Variants in NR4A2 observed in about 807,000 individuals in gnomAD.
The protein encoded by NR4A2 is NGFI-B/nur77 beta-type transcription factor homolog.
A neutral mutation model predicts 50.5 loss-of-function variants in NR4A2; 1 was observed. The ratio of observed to expected loss-of-function variants is 0.02; its 90% CI spans 0.01 to 0.09. The LOEUF (loss-of-function observed/expected upper bound fraction) is 0.09, where lower values mean the gene tolerates loss of function less well. Among genes scored for constraint, NR4A2 ranks in the 10% least tolerant of loss-of-function variants. The pLI is 1.00. For missense variants in NR4A2, 613 were observed against 777.3 expected, an observed-to-expected ratio of 0.79 and a Z score of 2.51; for synonymous variants, 328 against 309.4, an observed-to-expected ratio of 1.06 and a Z score of -0.63.
At position 156,327,885 on chromosome 2, in the gene NR4A2, G is replaced by A; in HGVS notation, c.1124C>T (p.Ser375Phe). 1.3e-6 allele frequency: 2 copies of A among 1,592,026 alleles called. No individual in the cohort carries two copies. The highest frequency in any genetic ancestry group is 1.7e-6 in the Non-Finnish European group (2 of 1,168,472). The change falls in exon 5 of 8, where the codon TCC becomes TTC. Residue 375 changes from serine to phenylalanine, a missense_variant. By Grantham distance (155) the Ser-to-Phe change is radical. This residue lies in a region of NR4A2 where 250 missense variants were observed against 311.3 expected (regional missense o/e 0.80). Transcript: ENST00000339562. The part of the protein sequence containing the change: ...ISALVRAHVD[S>F]NPAMTSLDYS... ...GTCCAGGCTGGTCATAGCCGGGTTG[G>A]AGTCGACATGGGCCCTGACGAGGGC... is the stretch of plus-strand genomic sequence containing the variant.
intron 5 of NR4A2, among the ~76,000 whole-genome samples, chr2:156,327,244 G>T (rs188922540): frequency 6.6e-6 from 1 of 152,060 alleles, no homozygotes. Context: ...GAGCTGAGAC[G>T]CCCTTTTGCA....
chr2:156,326,135 G>T lies in NR4A2; in HGVS notation c.1540+15C>A. ...CAGTTCTGGAGGGGAAGCGCCCTGCGCCTGCAGTACTGACCTGTGACCATA... is the reference window on the plus strand; with the variant it reads ...CAGTTCTGGAGGGGAAGCGCCCTGCTCCTGCAGTACTGACCTGTGACCATA... On this transcript the variant is annotated intron_variant, in intron 7 of 7. Transcript: ENST00000339562. The surrounding 1 kb of genome is among the most constrained non-coding windows in gnomAD (Gnocchi z 4.2). 6.2e-7 allele frequency: 1 copy of T among 1,614,122 alleles called. No individual in the cohort carries two copies. The highest frequency in any genetic ancestry group is 8.5e-7 in the Non-Finnish European group (1 of 1,179,954).
rs776781962 is a variant in NR4A2, at chr2:156,327,904, C to G, written c.1105G>C (p.Val369Leu). 2.1e-5 allele frequency: 33 copies of G among 1,596,092 alleles called. No homozygotes were observed. The highest frequency in any genetic ancestry group is 2.7e-5 in the Non-Finnish European group (32 of 1,170,652). Reference sequence around the variant, plus strand: ...GGGTTGGAGTCGACATGGGCCCTGACGAGGGCACTGATCAGACTCACCGGG... The same window carrying G: ...GGGTTGGAGTCGACATGGGCCCTGAGGAGGGCACTGATCAGACTCACCGGG... ...SPPVSLISALVRAHVDSNPAM... is the reference protein window; with the variant it reads ...SPPVSLISALLRAHVDSNPAM... Residue 369 changes from valine (V) to leucine (L), a missense_variant, in exon 5 of 8, where the codon GTC (valine) becomes CTC (leucine). By Grantham distance (32) the Val-to-Leu change is conservative. Transcript: ENST00000339562.
At position 156,325,391 on chromosome 2, in the gene NR4A2, G is replaced by A; in HGVS notation, c.*353C>T. On this transcript the variant is annotated 3_prime_UTR_variant, in exon 8 of 8. Coordinates refer to ENST00000339562, the MANE Select transcript of NR4A2 (RefSeq NM_006186.4). ...TGTCTGAACTGCAACAACCAAGCAT[G>A]GCCAAACATTTCCCATTATACATTA... 5.9e-6 allele frequency: 2 copies of A among 340,880 alleles called. No homozygotes were observed. Among genetic ancestry groups the A allele is most frequent in the Non-Finnish European group, 5.7e-6 (1 of 175,696 alleles). 21.1% of individuals were successfully genotyped at this position (340,880 alleles called of 1,614,324 possible).
Position 156,327,843 on chromosome 2 carries a change from C to T in NR4A2, c.1158+8G>A, listed in dbSNP as rs183921759. On this transcript the variant is annotated splice_region_variant and intron_variant, in intron 5 of 7. Transcript: ENST00000339562. ...GTCCACATGATATCCCCCCCGCCAG[C>T]TTCTTACCCTGGAATAGTCCAGGCT... 84 of 1,571,640 alleles carry T rather than the reference C, an allele frequency of 5.3e-5. No homozygotes were observed. The East Asian group carries it at 1.6e-3, about 29-fold the overall frequency.
At chr2:156,327,774 G>A (rs1316925044) in intron 5 of NR4A2, 77 bp downstream of exon 5, 1 of 1,522,682 alleles carries the variant, frequency 6.6e-7, no homozygotes, top group Admixed American at 2.0e-5. Flanking sequence ...GAATCTGAGA[G>A]TTAATGACGG....
In NR4A2 at chr2:156,329,576, G is replaced by A; in HGVS notation, c.611C>T (p.Pro204Leu). The change falls in exon 3 of 8, where the codon CCG (proline) becomes CTG (leucine). Residue 204 changes from proline (P) to leucine (L), a missense_variant. Coordinates refer to ENST00000339562, the MANE Select transcript of NR4A2 (RefSeq NM_006186.4). The surrounding 1 kb of genome is among the most constrained non-coding windows in gnomAD (Gnocchi z 7.5). Reference sequence around the variant, plus strand: ...CACGTGGTGGCTGCCGGCGGGCTCCGGGTTCATGGGGACGTGCAGGGGCCC... The same window carrying A: ...CACGTGGTGGCTGCCGGCGGGCTCCAGGTTCATGGGGACGTGCAGGGGCCC... ...FDGPLHVPMNPEPAGSHHVVD... is the reference protein window; with the variant it reads ...FDGPLHVPMNLEPAGSHHVVD... 1 of 1,603,342 alleles carries A rather than the reference G, an allele frequency of 6.2e-7. No homozygotes were observed. Among genetic ancestry groups the A allele is most frequent in the South Asian group, 1.1e-5 (1 of 90,594 alleles).
At position 156,326,604 on chromosome 2, in the gene NR4A2, T is replaced by C. The variant is rs543063309; in HGVS notation, c.1361+114A>G. 5.8e-6 allele frequency: 7 copies of C among 1,211,320 alleles called. No homozygotes were observed. The highest frequency in any genetic ancestry group is 1.5e-5 in the African/African-American group (1 of 66,352). 75.0% of individuals were successfully genotyped at this position (1,211,320 alleles called of 1,614,324 possible). ...TTTTCTTCCTTTCTCCGACTTCCAT[T>C]TCCTATTCTGTCTTTTTCTCTACCC... is the stretch of plus-strand genomic sequence containing the variant. On this transcript the variant is annotated intron_variant, in intron 6 of 7. Transcript: ENST00000339562. This position sits in a 1 kb window ranked among gnomAD's most constrained non-coding sequence, Gnocchi z 4.2.
In NR4A2 at chr2:156,330,016, G is replaced by A; in HGVS notation, c.171C>T (p.Leu57=). 1 of 1,614,218 alleles carries A rather than the reference G, an allele frequency of 6.2e-7. No homozygotes were observed. The highest frequency in any genetic ancestry group is 1.7e-5 in the Admixed American group (1 of 60,034). Residue 57 remains leucine (L), a synonymous_variant, in exon 3 of 8, where the codon CTC becomes CTT. Transcript: ENST00000339562. ...TGTCCATAAAGGTACTGAAGCTGGG[G>A]AGAGAAGTGGTGGCAGTGATTTCAG... is the stretch of plus-strand genomic sequence containing the variant. ...TNTEITATTS[L]PSFSTFMDNY... is the part of the protein sequence containing the mutation.
rs200894854 is a variant in NR4A2 at position 156,327,830 on chromosome 2, TC to T, written c.1158+20del. 881 of 1,560,428 alleles carry T rather than the reference TC, an allele frequency of 5.6e-4. 6 individuals carry two copies. The East Asian group carries it at 0.013, about 24-fold the overall frequency. Reference sequence around the variant, plus strand: ...CATCTGTCGGTTTGTCCACATGATATCCCCCCCGCCAGCTTCTTACCCTGGA... The same window carrying T: ...CATCTGTCGGTTTGTCCACATGATATCCCCCCGCCAGCTTCTTACCCTGGA... On this transcript the variant is annotated intron_variant, in intron 5 of 7. Transcript: ENST00000339562.
At position 156,326,867 on chromosome 2, in the gene NR4A2, C is replaced by A; in HGVS notation, c.1212G>T (p.Gln404His). The A allele has an allele frequency of 6.2e-7, 1 of 1,614,212 alleles. No homozygotes were observed. The highest frequency in any genetic ancestry group is 1.6e-4 in the Middle Eastern group (1 of 6,062). Residue 404 changes from glutamine to histidine, a missense_variant, in exon 6 of 8, where the codon CAG becomes CAT. By Grantham distance (24) the Gln-to-His change is conservative (BLOSUM62 0). Coordinates refer to ENST00000339562, the MANE Select transcript of NR4A2 (RefSeq NM_006186.4). This position sits in a 1 kb window ranked among gnomAD's most constrained non-coding sequence, Gnocchi z 4.2. Reference protein sequence around the residue: ...QMSGDDTQHIQQFYDLLTGSM... With the variant: ...QMSGDDTQHIHQFYDLLTGSM... ...AGCCAGTCAGGAGATCATAGAATTG[C>A]TGGATATGCTGGGTGTCATCTCCAC...
In NR4A2 at chr2:156,326,824, C is replaced by A. The variant is rs375203930; in HGVS notation, c.1255G>T (p.Gly419Cys). The A allele has an allele frequency of 9.9e-6, 16 of 1,614,214 alleles. No individual in the cohort carries two copies. The highest frequency in any genetic ancestry group is 1.3e-5 in the Non-Finnish European group (15 of 1,180,034). Reference sequence around the variant, plus strand: ...AAGCCAGGGATCTTCTCTGCCCAGCCCCGGATGATCTCCATGGAGCCAGTC... The same window carrying A: ...AAGCCAGGGATCTTCTCTGCCCAGCACCGGATGATCTCCATGGAGCCAGTC... The part of the protein sequence containing the change: ...LLTGSMEIIR[G>C]WAEKIPGFAD... Residue 419 changes from glycine (G) to cysteine (C), a missense_variant, in exon 6 of 8, where the codon GGC (glycine) becomes TGC (cysteine). Coordinates refer to ENST00000339562, the MANE Select transcript of NR4A2 (RefSeq NM_006186.4). This position sits in a 1 kb window ranked among gnomAD's most constrained non-coding sequence, Gnocchi z 4.2.
Position 156,329,210 on chromosome 2 carries a change from G to C in NR4A2, c.864+113C>G. 3.5e-6 allele frequency: 5 copies of C among 1,440,998 alleles called. No individual in the cohort carries two copies. Among genetic ancestry groups the C allele is most frequent in the Non-Finnish European group, 4.7e-6 (5 of 1,054,192 alleles). The allele number at this position is 1,440,998 out of a possible 1,614,324, so 89.3% of individuals were successfully genotyped here. A position where few individuals can be genotyped will look rare whatever the true frequency, so the allele number is the denominator to read the frequency against. The stretch of plus-strand genomic sequence containing the variant: ...GCTTCGGCGGACCCCGGAGAGCTGG[G>C]CAGTCCCGGGAGAGCTGGGGCTGGG... On this transcript the variant is annotated intron_variant, in intron 3 of 7. Coordinates refer to ENST00000339562, the MANE Select transcript of NR4A2 (RefSeq NM_006186.4). This position sits in a 1 kb window ranked among gnomAD's most constrained non-coding sequence, Gnocchi z 7.5.
In NR4A2 at chr2:156,329,642, G is replaced by A. The variant is rs569649814; in HGVS notation, c.545C>T (p.Pro182Leu). The change falls in exon 3 of 8, where the codon CCC becomes CTC. Residue 182 changes from proline to leucine, a missense_variant. Pro to Leu is a moderately conservative substitution (Grantham distance 98). This residue lies in a region of NR4A2 where 275 missense variants were observed against 248.9 expected (regional missense o/e 1.10). Coordinates refer to ENST00000339562, the MANE Select transcript of NR4A2 (RefSeq NM_006186.4). This position sits in a 1 kb window ranked among gnomAD's most constrained non-coding sequence, Gnocchi z 7.5. ...GCAACTAGACACCGGGGTGCCAGGG[G>A]GCGATTGCTTAAAGGAGAAGAGGGA... The part of the protein sequence containing the change: ...RLSLFSFKQS[P>L]PGTPVSSCQM... The A allele has an allele frequency of 1.3e-5, 21 of 1,613,822 alleles. 1 individual carries two copies. The South Asian group carries it at 2.3e-4, about 18-fold the overall frequency.
intron 1 of NR4A2, 73 bp from the exon 2 acceptor site, chr2:156,330,864 A>C: frequency 8.2e-7 from 1 of 1,216,276 alleles, no homozygotes. Flanking sequence ...TAGACTCACC[A>C]GGCAGGCCCT....
In NR4A2 at chr2:156,328,366, G is replaced by C. The variant is rs752644905; in HGVS notation, c.994+38C>G. 2 of 1,613,966 alleles carry C rather than the reference G, an allele frequency of 1.2e-6. No individual in the cohort carries two copies. The highest frequency in any genetic ancestry group is 2.2e-5 in the East Asian group (1 of 44,886). The stretch of plus-strand genomic sequence containing the variant: ...GGAGTATGAGCAGTGGTTTCCTAAA[G>C]GCGCAAACTGGAGGGTCGGCAGCTC... On this transcript the variant is annotated intron_variant, in intron 4 of 7. Coordinates refer to ENST00000339562, the MANE Select transcript of NR4A2 (RefSeq NM_006186.4). The surrounding 1 kb of genome is among the most constrained non-coding windows in gnomAD (Gnocchi z 4.9).
rs1355031659 is a variant in NR4A2, at chr2:156,328,677, C to A, written c.865-144G>T. The A allele has an allele frequency of 1.9e-6, 2 of 1,068,086 alleles. No individual in the cohort carries two copies. The highest frequency in any genetic ancestry group is 2.2e-5 in the Admixed American group (1 of 44,796). The allele number at this position is 1,068,086 out of a possible 1,614,324, so 66.2% of individuals were successfully genotyped here. A position where few individuals can be genotyped will look rare whatever the true frequency, so the allele number is the denominator to read the frequency against. ...ACACACAATTCCATTTTATTTTTTT[C>A]TCTTCCTTTTCTTTCTTTCTTTTCT... is the stretch of plus-strand genomic sequence containing the variant. On this transcript the variant is annotated intron_variant, in intron 3 of 7. Transcript: ENST00000339562. The surrounding 1 kb of genome is among the most constrained non-coding windows in gnomAD (Gnocchi z 4.9).
At position 156,329,654 on chromosome 2, in the gene NR4A2, AAGG is replaced by A. The variant is rs1686828251; in HGVS notation, c.530_532del (p.Ser177del). 2.5e-6 allele frequency: 4 copies of A among 1,614,020 alleles called. No homozygotes were observed. The highest frequency in any genetic ancestry group is 2.2e-5 in the East Asian group (1 of 44,866). ...CGGGGTGCCAGGGGGCGATTGCTTA[AAGG>A]AGAAGAGGGAGAGGCGGGAGACTGG... On this transcript the variant is annotated inframe_deletion, in exon 3 of 8. Coordinates refer to ENST00000339562, the MANE Select transcript of NR4A2 (RefSeq NM_006186.4). The surrounding 1 kb of genome is among the most constrained non-coding windows in gnomAD (Gnocchi z 7.5).
Position 156,330,785 on chromosome 2 carries a change from C to T in NR4A2, c.-120G>A. The T allele has an allele frequency of 8.0e-7, 1 of 1,245,108 alleles. No individual in the cohort carries two copies. The highest frequency in any genetic ancestry group is 3.1e-5 in the East Asian group (1 of 32,518). 77.1% of individuals were successfully genotyped at this position (1,245,108 alleles called of 1,614,324 possible). On this transcript the variant is annotated 5_prime_UTR_variant, in exon 2 of 8. Transcript: ENST00000339562. ...CAATGGGGAGTCCAGCCTGTCCAAT[C>T]TCCTCCCTGAAATACAGACACAGGA...
Sources: allele counts gnomAD v4.1 joint callset (sites outside exome capture counted in the v4.1 genomes callset), GRCh38; gene constraint gnomAD v4.1.1; regional missense constraint gnomAD v4.1.1; non-coding constraint Gnocchi (gnomAD v3.1); transcripts MANE v1.5; gene names NCBI Gene and HGNC (gene_info 2026-07-23, HGNC 2026-07-21).